Variants in SLX4IP observed in about 807,000 individuals in gnomAD.
The protein encoded by SLX4IP is SLX4 interacting protein, also known as protein SLX4IP.
Under a neutral mutation model 32.9 loss-of-function variants are expected in SLX4IP, and 34 were observed. That is an observed-to-expected ratio of 1.03 (90% confidence interval 0.79 to 1.38). The LOEUF is 1.38. SLX4IP is among the 40% of genes most tolerant of loss of function. The pLI, the probability that SLX4IP is intolerant of heterozygous loss-of-function variation, is 0.00. For missense variants in SLX4IP, 444 were observed against 479.0 expected, an observed-to-expected ratio of 0.93 and a Z score of 0.68; for synonymous variants, 172 against 171.7, an observed-to-expected ratio of 1.00 and a Z score of -0.01.
chr20:10,619,358 G>A (rs976366581), intron 6 of SLX4IP, among the ~76,000 whole-genome samples: 2 of 151,794 alleles, frequency 1.3e-5, no homozygotes, highest in Admixed American at 1.3e-4. Context: ...AGGAATTTGG[G>A]ATGAGAGCCG....
At chr20:10,540,191 C>CTCTT (rs1180730089) in intron 2 of SLX4IP, among the ~76,000 whole-genome samples, 2 of 147,512 alleles carry the variant, frequency 1.4e-5, no homozygotes, top group East Asian at 2.0e-4. Flanking sequence ...CTCCCTCCCT[C>CTCTT]TCTTTCTTTC....
chr20:10,518,436 CTT>C (rs1568719996), intron 2 of SLX4IP, among the ~76,000 whole-genome samples: 1,350 of 60,778 alleles, frequency 0.022, 92 homozygotes, highest in Admixed American at 0.072. Flanking sequence ...TCCCTCCCTC[CTT>C]CTTCCTTCCT....
intron 4 of SLX4IP, among the ~76,000 whole-genome samples, chr20:10,566,724 G>T (rs567767273): frequency 6.6e-6 from 1 of 152,262 alleles, no homozygotes; most frequent in African/African-American, 2.4e-5. Flanking sequence ...GTTGAGCTGT[G>T]CTTGATTGTT....
At chr20:10,437,928 T>C (rs1204863212) in intron 1 of SLX4IP, among the ~76,000 whole-genome samples, 3 of 152,224 alleles carry the variant, frequency 2.0e-5, no homozygotes, top group Non-Finnish European at 4.4e-5. Flanking sequence ...AGATAACTTA[T>C]CCCTTCACTA....
At chr20:10,438,830 G>A (rs968681167) in intron 1 of SLX4IP, among the ~76,000 whole-genome samples, 1 of 151,402 alleles carries the variant, frequency 6.6e-6, no homozygotes, top group African/African-American at 2.4e-5. Context: ...GGGGGTACGG[G>A]TTAGTCTGGC....
At chr20:10,490,949 G>A (rs75136509) in intron 2 of SLX4IP, among the ~76,000 whole-genome samples, 3,284 of 152,072 alleles carry the variant, frequency 0.022, 98 homozygotes, top group African/African-American at 0.062. Context: ...GGGGTATCCA[G>A]GGTTATGCAA....
chr20:10,550,995 C>A (rs1291997434), intron 2 of SLX4IP, among the ~76,000 whole-genome samples: 3 of 152,176 alleles, frequency 2.0e-5, no homozygotes, highest in African/African-American at 7.2e-5. Flanking sequence ...TTCAGATGAT[C>A]AATGAGTGCA....
intron 3 of SLX4IP, among the ~76,000 whole-genome samples, chr20:10,559,651 A>G (rs1431448353): frequency 6.6e-6 from 1 of 152,192 alleles, no homozygotes; most frequent in Non-Finnish European, 1.5e-5. Flanking sequence ...AACAACTGCA[A>G]AGAGTATCTT....
At chr20:10,497,424 C>CT (rs901734748) in intron 2 of SLX4IP, among the ~76,000 whole-genome samples, 2 of 152,050 alleles carry the variant, frequency 1.3e-5, no homozygotes, top group African/African-American at 2.4e-5. Context: ...GTGGATTTAT[C>CT]TTTTTTGCTT....
At chr20:10,539,235 T>C (rs995420870) in intron 2 of SLX4IP, among the ~76,000 whole-genome samples, 1 of 152,008 alleles carries the variant, frequency 6.6e-6, no homozygotes, top group Admixed American at 6.6e-5. Context: ...TCAAGGAGGA[T>C]AGAAAAGAGA....
At chr20:10,467,659 A>G (rs541759878) in intron 2 of SLX4IP, among the ~76,000 whole-genome samples, 3 of 152,336 alleles carry the variant, frequency 2.0e-5, no homozygotes, top group Admixed American at 2.0e-4. Context: ...TGCTTTGCTC[A>G]TGCTGGAAGC....
intron 2 of SLX4IP, among the ~76,000 whole-genome samples, chr20:10,540,075 T>C (rs1255914751): frequency 2.7e-5 from 4 of 150,078 alleles, no homozygotes; most frequent in South Asian, 2.1e-4. Context: ...TTTCTTTTCT[T>C]TCTTTTCTCT....
At position 10,570,245 on chromosome 20, in the gene SLX4IP, T is replaced by C. The variant is rs1449015023; in HGVS notation, c.238+9425T>C. On this transcript the variant is annotated intron_variant, in intron 4 of 7. Transcript: ENST00000334534. ...CCTTTACTCTTGAGCTTTGGTACTG[T>C]GCAGACATCATATCTGTTCCAGCTG... Among the ~76,000 whole-genome samples, 3 of 152,210 alleles carry C rather than the reference T, an allele frequency of 2.0e-5. 1 individual carries two copies. The highest frequency in any genetic ancestry group is 7.2e-5 in the African/African-American group (3 of 41,460).
chr20:10,480,913 A>G (rs1321203658), intron 2 of SLX4IP, among the ~76,000 whole-genome samples: 1 of 152,164 alleles, frequency 6.6e-6, no homozygotes, highest in Non-Finnish European at 1.5e-5. Flanking sequence ...CATTTTCACC[A>G]CTATTATCTG....
chr20:10,504,402 G>A (rs1452277655), intron 2 of SLX4IP, among the ~76,000 whole-genome samples: 1 of 152,150 alleles, frequency 6.6e-6, no homozygotes, highest in Non-Finnish European at 1.5e-5. Flanking sequence ...CGGTGAGGCA[G>A]ATCTGGAAGG....
At chr20:10,478,746 C>T (rs1033021093) in intron 2 of SLX4IP, among the ~76,000 whole-genome samples, 2 of 152,114 alleles carry the variant, frequency 1.3e-5, no homozygotes, top group Admixed American at 6.5e-5. Flanking sequence ...AAAACAGATG[C>T]GTTGATGACT....
At chr20:10,565,353 G>C (rs909468894) in intron 4 of SLX4IP, among the ~76,000 whole-genome samples, 5 of 152,114 alleles carry the variant, frequency 3.3e-5, no homozygotes, top group African/African-American at 1.2e-4. Flanking sequence ...GGAGAGCCCT[G>C]TTGTGAAGCT....
intron 4 of SLX4IP, among the ~76,000 whole-genome samples, chr20:10,578,826 A>G (rs857015): frequency 0.61 from 92,993 of 151,968 alleles, 28,728 homozygotes; most frequent in South Asian, 0.77. Flanking sequence ...GATGACTAAT[A>G]ATGTTACCAT....
intron 2 of SLX4IP, among the ~76,000 whole-genome samples, chr20:10,460,751 A>C (rs887821397): frequency 5.9e-5 from 9 of 152,198 alleles, no homozygotes; most frequent in African/African-American, 2.2e-4. Context: ...CTTGAGAAGC[A>C]GTATTTTCTC....
Sources: allele counts gnomAD v4.1 joint callset (sites outside exome capture counted in the v4.1 genomes callset), GRCh38; gene constraint gnomAD v4.1.1; transcripts MANE v1.5; gene names NCBI Gene and HGNC (gene_info 2026-07-23, HGNC 2026-07-21).